EML2: variants seen among roughly 807,000 people sequenced by gnomAD.
The protein encoded by EML2 is EMAP like 2, also known as echinoderm microtubule-associated protein-like 2.
Under a neutral mutation model 84.7 loss-of-function variants are expected in EML2, and 59 were observed. The observed-to-expected ratio is 0.70, with a 90% confidence interval of 0.56 to 0.86. The LOEUF is 0.86. Ranked by LOEUF, EML2 falls within the 40% of genes least tolerant of loss-of-function variation. The pLI, the probability that EML2 is intolerant of heterozygous loss-of-function variation, is 0.00. For missense variants in EML2, 818 were observed against 855.6 expected (o/e 0.96, Z 0.55); for synonymous variants, 352 against 348.9 (o/e 1.01, Z -0.10).
In EML2 at chr19:45,622,398, C is replaced by G. The variant is rs76459928; in HGVS notation, c.842-761G>C. 5.4e-3 allele frequency among the ~76,000 whole-genome samples: 817 copies of G among 152,186 alleles called. 9 individuals carry two copies. Among genetic ancestry groups the G allele is most frequent in the African/African-American group, 0.018 (759 of 41,528 alleles). On this transcript the variant is annotated intron_variant, in intron 9 of 18. Transcript: ENST00000245925. ...CACCTCTCATCCATTCATTTGCCCT[C>G]TCTCGTTTTGTTTTGCTTTGTTTTG...
intron 1 of EML2, chr19:45,639,095 A>T (rs1218425697): frequency 1.4e-6 from 1 of 715,308 alleles, no homozygotes; most frequent in South Asian, 1.7e-5. Context: ...AAGATCACAC[A>T]GCACGAAGTG....
intron 16 of EML2, 49 bp downstream of exon 16, chr19:45,615,753 C>A: frequency 6.6e-7 from 1 of 1,508,920 alleles, no homozygotes. Context: ...TCAGGGAAGT[C>A]TGCAAATGAG....
chr19:45,635,026 T>G (rs556129125), intron 3 of EML2, among the ~76,000 whole-genome samples: 2 of 151,792 alleles, frequency 1.3e-5, no homozygotes, highest in South Asian at 4.2e-4. Context: ...AATTTTTGTA[T>G]TTTTAATAGA....
At chr19:45,642,811 A>G (rs1600251986), upstream of EML2, 1 of 151,948 alleles carries the variant, frequency 6.6e-6, no homozygotes, top group African/African-American at 2.4e-5. Flanking sequence ...AATAAAATTA[A>G]ATTAAAAATA....
chr19:45,616,478 G>T lies in EML2; in HGVS notation c.1492C>A (p.Arg498Ser), dbSNP rs551493246. ...TVDQGGRKVS[R>S]LGKCSGHSSF... ...CCACTCACCGAGCACTTGCCCAGGC[G>T]GCTGACCTTGCGGCCGCCCTGGTCC... Residue 498 changes from arginine to serine, a missense_variant, in exon 15 of 19, where the codon CGC becomes AGC. Coordinates refer to ENST00000245925, the MANE Select transcript of EML2 (RefSeq NM_012155.4). The T allele has an allele frequency of 1.9e-6, 3 of 1,592,830 alleles. No individual in the cohort carries two copies. Among genetic ancestry groups the T allele is most frequent in the Non-Finnish European group, 2.6e-6 (3 of 1,163,752 alleles).
In EML2 at chr19:45,621,504, G is replaced by T. The variant is rs760998998; in HGVS notation, c.975C>A (p.Tyr325Ter). ...TCACCTCCACTTCCTGCAGCTTGCT[G>T]TAGTCAGAACCCCAGAGGACCACCC... is the stretch of plus-strand genomic sequence containing the variant. ...DRRVVLWGSD[Y>*]SKLQEVEVPE... The change falls in exon 10 of 19, where the codon TAC becomes TAA. Residue 325 changes from tyrosine to a stop codon, truncating the protein, a stop_gained. Transcript: ENST00000245925. LOFTEE classifies it high-confidence loss of function. 1.2e-6 allele frequency: 2 copies of T among 1,611,608 alleles called. No homozygotes were observed. Among genetic ancestry groups the T allele is most frequent in the East Asian group, 2.2e-5 (1 of 44,866 alleles).
intron 7 of EML2, among the ~76,000 whole-genome samples, chr19:45,629,538 G>A (rs1431018007): frequency 6.6e-6 from 1 of 151,756 alleles, no homozygotes; most frequent in Non-Finnish European, 1.5e-5. Flanking sequence ...TGGTCAGGCT[G>A]GTCTCGAACT....
Position 45,633,124 on chromosome 19 carries a change from T to G in EML2, c.345A>C (p.Pro115=), listed in dbSNP as rs747569680. The G allele has an allele frequency of 6.2e-7, 1 of 1,605,454 alleles. No homozygotes were observed. Among genetic ancestry groups the G allele is most frequent in the Non-Finnish European group, 8.5e-7 (1 of 1,176,350 alleles). ...GTCCCGTGGCGATGGTGACCATATC[T>G]GGGTGGATGGCCAAGCTGCGGAAAG... is the stretch of plus-strand genomic sequence containing the variant. ...NDDIKCLAIH[P]DMVTIATGQV... is the part of the protein sequence containing the mutation. Residue 115 remains proline (P), a synonymous_variant, in exon 5 of 19, where the codon CCA becomes CCC. Transcript: ENST00000245925.
chr19:45,638,107 A>G (rs930291699), intron 3 of EML2, among the ~76,000 whole-genome samples: 1 of 152,204 alleles, frequency 6.6e-6, no homozygotes, highest in Admixed American at 6.5e-5. Flanking sequence ...GTCCCTGTGC[A>G]TGGGGCACAT....
upstream of EML2, chr19:45,642,473 T>G: frequency 6.9e-7 from 1 of 1,442,956 alleles, no homozygotes; most frequent in Non-Finnish European, 9.1e-7. Flanking sequence ...TCCCGCTACC[T>G]GGGGCTGGGA....
At chr19:45,626,892 C>T (rs1972408020) in intron 7 of EML2, 53 bp from the exon 8 acceptor site, 6 of 1,534,138 alleles carry the variant, frequency 3.9e-6, no homozygotes, top group Admixed American at 2.0e-5. Context: ...CCCAAGGCTA[C>T]TATACCCGCC....
intron 3 of EML2, 151 bp from the exon 4 acceptor site, chr19:45,634,622 C>T (rs1408175977): frequency 2.7e-5 from 11 of 400,080 alleles, no homozygotes; most frequent in African/African-American, 1.7e-4. Flanking sequence ...AGTGCAGTGG[C>T]GTGATCTCAG....
rs1970725915 is a variant in EML2, at chr19:45,613,671, C to A, written c.1694G>T (p.Gly565Val). 6.2e-7 allele frequency: 1 copy of A among 1,611,416 alleles called. No homozygotes were observed. Among genetic ancestry groups the A allele is most frequent in the African/African-American group, 1.3e-5 (1 of 74,820 alleles). ...ATCVLGFGVF[G>V]IWSEGADGTD... ...GCCGTCCGCCCCCTCAGACCAGATC[C>A]CTGTGGGCAAGATGAAGGGAAGTGG... The change falls in exon 18 of 19, where the codon GGG becomes GTG. Residue 565 changes from glycine (G) to valine (V), a missense_variant and splice_region_variant. Coordinates refer to ENST00000245925, the MANE Select transcript of EML2 (RefSeq NM_012155.4).
chr19:45,624,009 T>A (rs1378443039), intron 9 of EML2, among the ~76,000 whole-genome samples: 2 of 152,224 alleles, frequency 1.3e-5, no homozygotes, highest in Non-Finnish European at 2.9e-5. Flanking sequence ...GTTAATAAAG[T>A]CATCCATTGG....
At chr19:45,611,494 T>TTCG (rs1970491495) in intron 18 of EML2, among the ~76,000 whole-genome samples, 1 of 126,336 alleles carries the variant, frequency 7.9e-6, no homozygotes, top group South Asian at 2.5e-4. Context: ...CTTCTTCTTC[T>TTCG]TCTTCTTTTG....
chr19:45,616,657 G>A, intron 14 of EML2, 99 bp from the exon 15 acceptor site: 2 of 1,374,602 alleles, frequency 1.5e-6, no homozygotes, highest in Non-Finnish European at 2.1e-6. Context: ...CATCCCCACT[G>A]CATCCCTCCT....
intron 15 of EML2, 49 bp from the exon 16 acceptor site, chr19:45,615,938 A>G (rs1218983099): frequency 2.9e-6 from 4 of 1,384,168 alleles, no homozygotes; most frequent in Non-Finnish European, 4.1e-6. Context: ...GGCGGAACCA[A>G]GGAGAGGGGG....
At chr19:45,614,578 T>G in intron 17 of EML2, 27 bp downstream of exon 17, 3 of 1,592,558 alleles carry the variant, frequency 1.9e-6, no homozygotes, top group Non-Finnish European at 2.6e-6. Context: ...CTGTCCTCAG[T>G]GAGACCTCTC....
In EML2 at chr19:45,611,602, C is replaced by T. The variant is rs1381236223; in HGVS notation, c.1825-1814G>A. Among the ~76,000 whole-genome samples, 3 of 151,896 alleles carry T rather than the reference C, an allele frequency of 2.0e-5. No homozygotes were observed. In the East Asian group the frequency reaches 5.9e-4, roughly 30 times the overall value. On this transcript the variant is annotated intron_variant, in intron 18 of 18. Transcript: ENST00000245925. ...CCAAGTTCAAGTGATCCTCCTGCCT[C>T]AGCCTCCTGAGTAGTTGGGATCACA...
Sources: allele counts gnomAD v4.1 joint callset (sites outside exome capture counted in the v4.1 genomes callset), GRCh38; gene constraint gnomAD v4.1.1; transcripts MANE v1.5; gene names NCBI Gene and HGNC (gene_info 2026-07-23, HGNC 2026-07-21).